The following DNAH11 variants were observed in gnomAD, a reference collection of about 807,000 sequenced individuals.
The protein encoded by DNAH11 is axonemal beta dynein heavy chain 11.
A neutral mutation model predicts 526.0 loss-of-function variants in DNAH11; 442 were observed. The ratio of observed to expected loss-of-function variants is 0.84; its 90% CI spans 0.78 to 0.91. DNAH11 has a LOEUF of 0.91. Ranked by LOEUF, DNAH11 falls within the 40% of genes least tolerant of loss-of-function variation. The pLI, the probability that DNAH11 is intolerant of heterozygous loss-of-function variation, is 0.00. For synonymous variants in DNAH11, 2,461 were observed against 1,935.9 expected (o/e 1.27, Z -7.12); for missense variants, 6,989 against 5,448.7 (o/e 1.28, Z -8.90).
chr7:21,544,520 C>A (rs1197442533), intron 1 of DNAH11, among the ~76,000 whole-genome samples: 1 of 152,082 alleles, frequency 6.6e-6, no homozygotes, highest in African/African-American at 2.4e-5. Context: ...TTATAATGTT[C>A]AATGGAATGA....
chr7:21,635,830 T>C (rs1207501194), intron 25 of DNAH11, 41 bp from the exon 26 acceptor site: 1 of 1,520,938 alleles, frequency 6.6e-7, no homozygotes, highest in South Asian at 1.2e-5. Flanking sequence ...CACATTCTAC[T>C]AAATTTAGCT....
intron 61 of DNAH11, among the ~76,000 whole-genome samples, chr7:21,792,492 T>C (rs998837582): frequency 6.6e-6 from 1 of 152,238 alleles, no homozygotes; most frequent in Non-Finnish European, 1.5e-5. Context: ...TTCAACTGTT[T>C]GGTAGATTTC....
rs11286266 is a variant in DNAH11, at chr7:21,566,604, G to GA, written c.1194+2220dup. 1.7e-3 allele frequency among the ~76,000 whole-genome samples: 249 copies of GA among 145,776 alleles called. 1 individual carries two copies. The highest frequency in any genetic ancestry group is 7.1e-3 in the Middle Eastern group (2 of 282). On this transcript the variant is annotated intron_variant, in intron 6 of 81. Coordinates refer to ENST00000409508, the MANE Select transcript of DNAH11 (RefSeq NM_001277115.2). ...ATTATTAGTAGCTTCATTTTATAAT[G>GA]AAAAAAAAAAAAACACTGAAGCCTA...
At chr7:21,753,729 T>G (rs1011085072) in intron 54 of DNAH11, among the ~76,000 whole-genome samples, 4 of 152,224 alleles carry the variant, frequency 2.6e-5, no homozygotes, top group Admixed American at 2.6e-4. Context: ...TAGTAAAGCT[T>G]TATCATTTAT....
chr7:21,656,026 A>G (rs376230452), intron 29 of DNAH11, 45 bp downstream of exon 29: 30 of 1,526,100 alleles, frequency 2.0e-5, no homozygotes, highest in African/African-American at 4.2e-5. Context: ...GAGTATTTTC[A>G]GCATGCTCTT....
chr7:21,626,259 T>C (rs10755846), intron 25 of DNAH11, among the ~76,000 whole-genome samples: 68,003 of 152,006 alleles, frequency 0.45, 15,655 homozygotes, highest in East Asian at 0.61. Flanking sequence ...TAATGTCCTC[T>C]AGTTCCATCC....
intron 25 of DNAH11, among the ~76,000 whole-genome samples, chr7:21,631,873 GCC>G (rs2128458248): frequency 6.6e-6 from 1 of 152,344 alleles, no homozygotes; most frequent in South Asian, 2.1e-4. Flanking sequence ...ACTAGTCAGT[GCC>G]CCAGTTGGGA....
chr7:21,617,514 CT>C, intron 22 of DNAH11, 104 bp from the exon 23 acceptor site: 6 of 1,342,468 alleles, frequency 4.5e-6, no homozygotes, highest in East Asian at 2.5e-5. Context: ...TGCTTTCACT[CT>C]TTTCTAATCC....
At chr7:21,588,665 G>A (rs1326966034) in intron 11 of DNAH11, 29 bp downstream of exon 11, 1 of 1,607,368 alleles carries the variant, frequency 6.2e-7, no homozygotes, top group Non-Finnish European at 8.5e-7. Flanking sequence ...GTCATGGCAA[G>A]TTATTCTAAT....
In DNAH11 at chr7:21,617,650, T is replaced by A. The variant is rs373292392; in HGVS notation, c.4127T>A (p.Val1376Asp). The A allele has an allele frequency of 5.2e-5, 84 of 1,613,718 alleles. No homozygotes were observed. The highest frequency in any genetic ancestry group is 7.0e-5 in the Non-Finnish European group (82 of 1,179,840). The stretch of plus-strand genomic sequence containing the variant: ...TGGTCACTCAACAAGGAAGTCCGCG[T>A]CTGGGATGCTTACACGGGCCTGGAA... ...EIWSLNKEVR[V>D]WDAYTGLEGT... is the part of the protein sequence containing the mutation. The change falls in exon 23 of 82, where the codon GTC becomes GAC. Residue 1376 changes from valine (V) to aspartate (D), a missense_variant. Coordinates refer to ENST00000409508, the MANE Select transcript of DNAH11 (RefSeq NM_001277115.2).
chr7:21,607,363 A>G (rs1785334983), intron 20 of DNAH11, among the ~76,000 whole-genome samples: 1 of 152,118 alleles, frequency 6.6e-6, no homozygotes, highest in Non-Finnish European at 1.5e-5. Flanking sequence ...TGCCTCTCCC[A>G]GTCTCCTGAC....
At chr7:21,652,223 G>T (rs1781807479) in intron 28 of DNAH11, among the ~76,000 whole-genome samples, 2 of 152,108 alleles carry the variant, frequency 1.3e-5, no homozygotes, top group Admixed American at 1.3e-4. Context: ...TTGACAAAAA[G>T]AATGAAGATG....
chr7:21,667,358 T>G (rs774430854), intron 30 of DNAH11, among the ~76,000 whole-genome samples: 1 of 152,230 alleles, frequency 6.6e-6, no homozygotes, highest in East Asian at 1.9e-4. Context: ...TTTGTCTTTG[T>G]GGGCCATATA....
chr7:21,710,471 T>C (rs1009482378), intron 40 of DNAH11, 82 bp from the exon 41 acceptor site: 1 of 1,325,892 alleles, frequency 7.5e-7, no homozygotes, highest in Non-Finnish European at 1.0e-6. Context: ...ATCGTTTTTA[T>C]TTAGTTAATA....
At chr7:21,591,644 TTAACC>T in intron 14 of DNAH11, 67 bp downstream of exon 14, 1 of 1,413,820 alleles carries the variant, frequency 7.1e-7, no homozygotes, top group African/African-American at 1.4e-5. Context: ...GCAAAAATCT[TTAACC>T]TAATAATGTG....
intron 41 of DNAH11, among the ~76,000 whole-genome samples, chr7:21,711,058 C>G (rs1353610258): frequency 6.6e-6 from 1 of 152,082 alleles, no homozygotes; most frequent in African/African-American, 2.4e-5. Flanking sequence ...CGGGTTTGTG[C>G]CATATGATGA....
At chr7:21,852,431 A>G in intron 66 of DNAH11, 36 bp from the exon 67 acceptor site, 1 of 1,554,146 alleles carries the variant, frequency 6.4e-7, no homozygotes, top group Non-Finnish European at 8.7e-7. Flanking sequence ...AAAGTACTTA[A>G]CCACCATTTC....
chr7:21,786,168 T>C (rs963124151), intron 58 of DNAH11, among the ~76,000 whole-genome samples: 2 of 152,144 alleles, frequency 1.3e-5, no homozygotes, highest in African/African-American at 4.8e-5. Flanking sequence ...TATTTCTTTC[T>C]TGTACATGTA....
At chr7:21,698,994 A>G (rs1337556333) in intron 36 of DNAH11, among the ~76,000 whole-genome samples, 1 of 151,958 alleles carries the variant, frequency 6.6e-6, no homozygotes, top group Non-Finnish European at 1.5e-5. Context: ...CTGATATTTT[A>G]TTTGTATTAA....
Sources: gnomAD v4.1 joint callset for allele counts (sites outside exome capture counted in the v4.1 genomes callset) on GRCh38, gnomAD v4.1.1 for gene constraint, MANE v1.5 for transcripts, NCBI Gene and HGNC (gene_info 2026-07-23, HGNC 2026-07-21) for gene names.